EEA1: variants seen among roughly 807,000 people sequenced by gnomAD.
EEA1 encodes early endosome antigen 1.
Under a neutral mutation model 209.2 loss-of-function variants are expected in EEA1, and 111 were observed. The ratio of observed to expected loss-of-function variants is 0.53; its 90% CI spans 0.45 to 0.62. The LOEUF is 0.62. EEA1 is among the 20% of genes least tolerant of loss of function. The pLI is 0.00. For missense variants in EEA1, 1,343 were observed against 1,530.8 expected (o/e 0.88, Z 2.05); for synonymous variants, 536 against 540.6 (o/e 0.99, Z 0.12).
intron 10 of EEA1, among the ~76,000 whole-genome samples, chr12:92,835,203 A>G (rs888884208): frequency 2.0e-5 from 3 of 151,824 alleles, no homozygotes; most frequent in Non-Finnish European, 2.9e-5. Context: ...TCTTTTGTAA[A>G]GAGAATTCTA....
intron 2 of EEA1, among the ~76,000 whole-genome samples, chr12:92,886,954 G>A (rs916381749): frequency 1.3e-5 from 2 of 150,964 alleles, no homozygotes; most frequent in East Asian, 2.0e-4. Context: ...GCCGAGATCC[G>A]CACCACTGCA....
intron 1 of EEA1, among the ~76,000 whole-genome samples, chr12:92,922,728 G>A (rs531626452): frequency 4.8e-4 from 72 of 149,124 alleles, no homozygotes; most frequent in African/African-American, 1.6e-3. Flanking sequence ...CGAGGCGGGC[G>A]GATCGCCTGA....
At chr12:92,782,942 G>A (rs1283364937) in intron 22 of EEA1, among the ~76,000 whole-genome samples, 1 of 152,238 alleles carries the variant, frequency 6.6e-6, no homozygotes, top group Non-Finnish European at 1.5e-5. Flanking sequence ...TACGGAGCCT[G>A]GAGGGTGGCA....
At chr12:92,925,099 G>C (rs1881158865) in intron 1 of EEA1, among the ~76,000 whole-genome samples, 1 of 146,862 alleles carries the variant, frequency 6.8e-6, no homozygotes, top group African/African-American at 2.5e-5. Context: ...TCTTCCACTG[G>C]ACGCTAAACT....
intron 1 of EEA1, among the ~76,000 whole-genome samples, chr12:92,913,277 A>G (rs1880643315): frequency 6.6e-6 from 1 of 152,010 alleles, no homozygotes; most frequent in Admixed American, 6.6e-5. Context: ...ATGCATTTTT[A>G]ATTTGCATTT....
chr12:92,806,135 TA>T (rs899149908), intron 18 of EEA1, among the ~76,000 whole-genome samples: 2 of 151,514 alleles, frequency 1.3e-5, no homozygotes, highest in Non-Finnish European at 2.9e-5. Flanking sequence ...TAAAAGCTAT[TA>T]AAAAAAAGCA....
intron 22 of EEA1, among the ~76,000 whole-genome samples, chr12:92,786,677 C>T (rs780892848): frequency 6.6e-6 from 1 of 152,086 alleles, no homozygotes; most frequent in Non-Finnish European, 1.5e-5. Context: ...AGTTAGTAAC[C>T]TCTTAACTCA....
At chr12:92,903,024 T>C (rs1880217697) in intron 1 of EEA1, among the ~76,000 whole-genome samples, 1 of 148,508 alleles carries the variant, frequency 6.7e-6, no homozygotes, top group African/African-American at 2.5e-5. Context: ...AAGCTCCGCC[T>C]CCCGGGTTCA....
rs376800044 is a variant in EEA1, at chr12:92,789,013, G to A, written c.2968-964C>T. Reference sequence around the variant, plus strand: ...CTCTTTAGAAGATCTCAACTAGGCCGGGCATGGTGGCTCACACCTGTAATC... The same window carrying A: ...CTCTTTAGAAGATCTCAACTAGGCCAGGCATGGTGGCTCACACCTGTAATC... On this transcript the variant is annotated intron_variant, in intron 21 of 28. Coordinates refer to ENST00000322349, the MANE Select transcript of EEA1 (RefSeq NM_003566.4). Among the ~76,000 whole-genome samples the A allele has an allele frequency of 7.3e-4, 111 of 152,136 alleles. 1 individual carries two copies. The South Asian group carries it at 0.022, about 30-fold the overall frequency.
intron 13 of EEA1, among the ~76,000 whole-genome samples, chr12:92,824,303 G>T (rs1226002838): frequency 6.6e-6 from 1 of 152,170 alleles, no homozygotes; most frequent in Non-Finnish European, 1.5e-5. Context: ...TATTGTAGTA[G>T]CCTTTTAGCT....
intron 24 of EEA1, among the ~76,000 whole-genome samples, chr12:92,779,527 T>G (rs1333625345): frequency 1.3e-5 from 2 of 152,066 alleles, no homozygotes; most frequent in African/African-American, 4.8e-5. Context: ...ACGTTTTGAT[T>G]ATGTGGAGAA....
At chr12:92,870,657 T>G (rs1878601870) in intron 2 of EEA1, among the ~76,000 whole-genome samples, 1 of 152,060 alleles carries the variant, frequency 6.6e-6, no homozygotes, top group Non-Finnish European at 1.5e-5. Context: ...TGCAAAGTCT[T>G]TTTCCTTTTT....
At chr12:92,910,351 C>T (rs1204357929) in intron 1 of EEA1, among the ~76,000 whole-genome samples, 8 of 151,472 alleles carry the variant, frequency 5.3e-5, no homozygotes, top group African/African-American at 1.2e-4. Context: ...CACCTGTAAT[C>T]CCAGCTACCC....
chr12:92,916,064 A>C (rs1051755320), intron 1 of EEA1, among the ~76,000 whole-genome samples: 12 of 152,228 alleles, frequency 7.9e-5, no homozygotes, highest in African/African-American at 2.7e-4. Flanking sequence ...TATTAAGTGA[A>C]TATAAGTATT....
At position 92,828,073 on chromosome 12, in the gene EEA1, G is replaced by GA. The variant is rs570480496; in HGVS notation, c.1255-13dup. The GA allele has an allele frequency of 5.9e-4, 904 of 1,520,994 alleles. No individual in the cohort carries two copies. The highest frequency in any genetic ancestry group is 2.1e-3 in the African/African-American group (145 of 69,904). 94.2% of individuals were successfully genotyped at this position (1,520,994 alleles called of 1,614,324 possible). A position where few individuals can be genotyped will look rare whatever the true frequency, so the allele number is the denominator to read the frequency against. On this transcript the variant is annotated splice_polypyrimidine_tract_variant and intron_variant, in intron 11 of 28. Coordinates refer to ENST00000322349, the MANE Select transcript of EEA1 (RefSeq NM_003566.4). Reference sequence around the variant, plus strand: ...AGTTTGCTATGTAACTTTAAAAAAAGAAAAAAAAATGTATGTACATATGTA... The same window carrying GA: ...AGTTTGCTATGTAACTTTAAAAAAAGAAAAAAAAAATGTATGTACATATGTA...
At chr12:92,895,156 T>A in intron 1 of EEA1, among the ~76,000 whole-genome samples, 1 of 41,476 alleles carries the variant, frequency 2.4e-5, no homozygotes, top group East Asian at 1.1e-3. Context: ...TTTTTTTTTT[T>A]TTTTTTTTTT....
intron 2 of EEA1, among the ~76,000 whole-genome samples, chr12:92,869,219 G>A (rs1878526461): frequency 6.6e-6 from 1 of 152,104 alleles, no homozygotes; most frequent in South Asian, 2.1e-4. Context: ...GAGAAAGGCT[G>A]TTAGCTAACA....
intron 14 of EEA1, among the ~76,000 whole-genome samples, chr12:92,816,985 A>C (rs1294723929): frequency 2.6e-5 from 4 of 151,186 alleles, no homozygotes; most frequent in South Asian, 2.1e-4. Flanking sequence ...TATTTCTTTG[A>C]TGTACCTTGC....
At chr12:92,792,159 C>T (rs1269609579) in intron 21 of EEA1, among the ~76,000 whole-genome samples, 1 of 152,056 alleles carries the variant, frequency 6.6e-6, no homozygotes, top group African/African-American at 2.4e-5. Context: ...TAAATGCCCA[C>T]AACAGAAAGC....
Sources: allele counts gnomAD v4.1 joint callset (sites outside exome capture counted in the v4.1 genomes callset), GRCh38; gene constraint gnomAD v4.1.1; transcripts MANE v1.5; gene names NCBI Gene and HGNC (gene_info 2026-07-23, HGNC 2026-07-21).